The following DENND2A variants were observed in gnomAD, a reference collection of about 807,000 sequenced individuals.
DENND2A encodes the protein DENN domain containing 2A.
DENND2A carries 53 observed loss-of-function variants against 105.3 expected under a neutral mutation model. The ratio of observed to expected loss-of-function variants is 0.50; its 90% CI spans 0.40 to 0.63. The LOEUF (loss-of-function observed/expected upper bound fraction) is 0.63, where lower values mean the gene tolerates loss of function less well. Ranked by LOEUF, DENND2A falls within the 30% of genes least tolerant of loss-of-function variation. The probability of loss-of-function intolerance (pLI) is 0.00; values close to 1 mark genes in which losing one functional copy is unlikely to be tolerated. For synonymous variants in DENND2A, 522 were observed against 508.4 expected, an observed-to-expected ratio of 1.03 and a Z score of -0.36; for missense variants, 1,138 against 1,279.6, an observed-to-expected ratio of 0.89 and a Z score of 1.69.
chr7:140,578,123 G>C (rs1182909927), intron 5 of DENND2A, among the ~76,000 whole-genome samples: 2 of 152,174 alleles, frequency 1.3e-5, no homozygotes, highest in African/African-American at 4.8e-5. Flanking sequence ...GATCTGTAGT[G>C]TCCAAAAGGG....
intron 11 of DENND2A, 34 bp from the exon 12 acceptor site, chr7:140,555,747 G>T: frequency 6.4e-7 from 1 of 1,551,524 alleles, no homozygotes; most frequent in Non-Finnish European, 8.7e-7. Context: ...AATTATGAGT[G>T]TTGACAACCT....
At chr7:140,544,082 G>A in intron 14 of DENND2A, 1 of 183,566 alleles carries the variant, frequency 5.4e-6, no homozygotes, top group South Asian at 1.2e-4. Context: ...AGTAGAGACT[G>A]AGTTTCATCA....
chr7:140,539,638 C>A (rs1467513055), intron 14 of DENND2A, among the ~76,000 whole-genome samples: 1 of 152,216 alleles, frequency 6.6e-6, no homozygotes, highest in East Asian at 1.9e-4. Flanking sequence ...GGATCCTCTG[C>A]ACGCCTGTTA....
At chr7:140,633,051 C>CA (rs1246452358) in intron 1 of DENND2A, among the ~76,000 whole-genome samples, 2 of 124,770 alleles carry the variant, frequency 1.6e-5, no homozygotes, top group Non-Finnish European at 3.4e-5. Flanking sequence ...TTTTTTGAGA[C>CA]AGAGTCTTGC....
chr7:140,531,032 G>A (rs1252473228), intron 14 of DENND2A, among the ~76,000 whole-genome samples: 3 of 152,156 alleles, frequency 2.0e-5, no homozygotes, highest in East Asian at 1.9e-4. Flanking sequence ...ACATCCGGCC[G>A]ACTTCTATGA....
At chr7:140,588,962 C>T (rs929384405) in intron 3 of DENND2A, among the ~76,000 whole-genome samples, 4 of 151,960 alleles carry the variant, frequency 2.6e-5, no homozygotes, top group Non-Finnish European at 5.9e-5. Context: ...AGGCTGGTCT[C>T]GAACTCCTGA....
chr7:140,544,512 A>G, intron 14 of DENND2A, 106 bp downstream of exon 14: 1 of 1,466,972 alleles, frequency 6.8e-7, no homozygotes, highest in Non-Finnish European at 9.4e-7. Flanking sequence ...TCCTTATCTC[A>G]GAAGGGCTTA....
chr7:140,544,970 G>C (rs1487647263), intron 13 of DENND2A: 1 of 688,258 alleles, frequency 1.5e-6, no homozygotes, highest in African/African-American at 1.9e-5. Flanking sequence ...AGCTTTGGTA[G>C]GGAAGCAAGC....
At chr7:140,554,650 A>C (rs1436743674) in intron 12 of DENND2A, among the ~76,000 whole-genome samples, 1 of 152,192 alleles carries the variant, frequency 6.6e-6, no homozygotes, top group Non-Finnish European at 1.5e-5. Flanking sequence ...AAAGAAAAAA[A>C]ATTATGAATT....
intron 6 of DENND2A, 73 bp from the exon 7 acceptor site, chr7:140,569,811 C>A: frequency 9.5e-7 from 1 of 1,055,978 alleles, no homozygotes; most frequent in Non-Finnish European, 1.5e-6. Flanking sequence ...TCCCTCACTG[C>A]CCCTCTCCTA....
Position 140,518,744 on chromosome 7 carries a change from A to G in DENND2A, c.2999-6T>C. 1 of 1,613,378 alleles carries G rather than the reference A, an allele frequency of 6.2e-7. No homozygotes were observed. The highest frequency in any genetic ancestry group is 8.5e-7 in the Non-Finnish European group (1 of 1,179,288). On this transcript the variant is annotated splice_polypyrimidine_tract_variant and splice_region_variant and intron_variant, in intron 19 of 19. Transcript: ENST00000496613. The stretch of plus-strand genomic sequence containing the variant: ...GAGAAATTTCATTTTATTGCCTAAA[A>G]AAAAGGAAAATGAGAACATTTCACA...
intron 4 of DENND2A, among the ~76,000 whole-genome samples, chr7:140,586,974 A>G (rs1315989819): frequency 6.6e-6 from 1 of 152,088 alleles, no homozygotes; most frequent in African/African-American, 2.4e-5. Context: ...CTCGCCCTTC[A>G]CTAAAACCAT....
chr7:140,626,255 T>G (rs1800521532), intron 1 of DENND2A, among the ~76,000 whole-genome samples: 1 of 152,230 alleles, frequency 6.6e-6, no homozygotes, highest in African/African-American at 2.4e-5. Flanking sequence ...CTCCGTCCCC[T>G]GCACACCATG....
chr7:140,581,247 G>A (rs982470570), intron 5 of DENND2A, among the ~76,000 whole-genome samples: 18 of 152,274 alleles, frequency 1.2e-4, no homozygotes, highest in African/African-American at 4.3e-4. Context: ...CTGGCTGACA[G>A]AGCAAGATTC....
At chr7:140,560,794 T>C (rs561522219) in intron 9 of DENND2A, among the ~76,000 whole-genome samples, 1 of 151,920 alleles carries the variant, frequency 6.6e-6, no homozygotes, top group African/African-American at 2.4e-5. Context: ...ATTAGCTGGG[T>C]GTGGTGGCCG....
intron 9 of DENND2A, among the ~76,000 whole-genome samples, chr7:140,561,727 C>G (rs897579477): frequency 2.0e-5 from 3 of 148,938 alleles, no homozygotes; most frequent in African/African-American, 7.5e-5. Flanking sequence ...GTTGGCCAGG[C>G]TGATCTTGAA....
chr7:140,555,734 G>A, intron 11 of DENND2A, 21 bp from the exon 12 acceptor site: 1 of 1,584,864 alleles, frequency 6.3e-7, no homozygotes, highest in Non-Finnish European at 8.5e-7. Flanking sequence ...AGAAACACAA[G>A]GGAATTATGA....
Position 140,523,386 on chromosome 7 carries a change from C to T in DENND2A, c.2586G>A (p.Gln862=). 1 of 1,614,080 alleles carries T rather than the reference C, an allele frequency of 6.2e-7. No homozygotes were observed. Among genetic ancestry groups the T allele is most frequent in the East Asian group, 2.2e-5 (1 of 44,884 alleles). ...GTTCCAGAATGTGTTCCAGGGCCAC[C>T]TGAAGCTTCCGGGGCAGGATGGAGT... ...DEDSILPRKL[Q]VALEHILEQR... The change falls in exon 17 of 20, where the codon CAG becomes CAA. Residue 862 remains glutamine, a synonymous_variant. Transcript: ENST00000496613. The surrounding 1 kb of genome is among the most constrained non-coding windows in gnomAD (Gnocchi z 4.5).
At chr7:140,607,522 T>C (rs1182557230) in intron 1 of DENND2A, among the ~76,000 whole-genome samples, 1 of 152,144 alleles carries the variant, frequency 6.6e-6, no homozygotes, top group African/African-American at 2.4e-5. Context: ...TTGTGGGGCT[T>C]ATCTATGTTG....
Sources: gnomAD v4.1 joint callset for allele counts (sites outside exome capture counted in the v4.1 genomes callset) on GRCh38, gnomAD v4.1.1 for gene constraint, Gnocchi (gnomAD v3.1) non-coding constraint, MANE v1.5 for transcripts, NCBI Gene and HGNC (gene_info 2026-07-23, HGNC 2026-07-21) for gene names.